Variants in WDR49 observed in about 807,000 individuals in gnomAD.
WDR49 encodes the protein cilia- and flagella-associated protein 337.
In WDR49, 107 loss-of-function variants were observed where a neutral mutation model predicts 119.5. That is an observed-to-expected ratio of 0.90 (90% CI 0.77 to 1.05). WDR49 has a LOEUF of 1.05. Among genes scored for constraint, WDR49 ranks in the 50% least tolerant of loss-of-function variants. The pLI is 0.00. For missense variants in WDR49, 1,240 were observed against 1,220.5 expected (o/e 1.02, Z -0.24); for synonymous variants, 425 against 418.8 (o/e 1.01, Z -0.18).
upstream of WDR49, among the ~76,000 whole-genome samples, chr3:167,654,437 A>C (rs1718526068): frequency 6.6e-6 from 1 of 152,226 alleles, no homozygotes; most frequent in Non-Finnish European, 1.5e-5. Flanking sequence ...CAGTGTCATT[A>C]CTGGTTCAGC....
At chr3:167,531,335 C>G (rs947792678) in intron 12 of WDR49, 56 bp from the exon 13 acceptor site, 31 of 1,584,912 alleles carry the variant, frequency 2.0e-5, no homozygotes, top group Admixed American at 7.0e-5. Context: ...GCTTTTCAAA[C>G]TAATGCCTAT....
chr3:167,571,899 G>A (rs1018497577), intron 8 of WDR49, among the ~76,000 whole-genome samples: 36 of 152,240 alleles, frequency 2.4e-4, no homozygotes, highest in African/African-American at 8.4e-4. Flanking sequence ...GATTATAAAT[G>A]TGTCCAAGGT....
chr3:167,511,975 T>C (rs1560259318), intron 16 of WDR49, among the ~76,000 whole-genome samples: 3 of 152,144 alleles, frequency 2.0e-5, no homozygotes, highest in African/African-American at 7.2e-5. Flanking sequence ...ATGGAGCCCC[T>C]GGGGGAAACA....
chr3:167,483,026 G>T (rs1279310518), intron 18 of WDR49, among the ~76,000 whole-genome samples: 1 of 152,128 alleles, frequency 6.6e-6, no homozygotes, highest in African/African-American at 2.4e-5. Context: ...GGTAGAAGGG[G>T]GGTAGGAGAA....
chr3:167,509,688 C>T (rs1454529974), intron 16 of WDR49, among the ~76,000 whole-genome samples: 1 of 152,086 alleles, frequency 6.6e-6, no homozygotes, highest in Non-Finnish European at 1.5e-5. Flanking sequence ...AGCAATTCCT[C>T]TCAAAGAATG....
At chr3:167,529,353 G>A (rs1227005253) in intron 13 of WDR49, 114 bp from the exon 14 acceptor site, 1 of 881,236 alleles carries the variant, frequency 1.1e-6, no homozygotes, top group East Asian at 2.7e-5. Flanking sequence ...GAGTAGCCCT[G>A]AGATCAATTC....
At chr3:167,526,615 T>A (rs1307045351) in intron 15 of WDR49, among the ~76,000 whole-genome samples, 1 of 152,148 alleles carries the variant, frequency 6.6e-6, no homozygotes, top group Non-Finnish European at 1.5e-5. Context: ...AGTGCTTGTC[T>A]TATTTACAAA....
upstream of WDR49, among the ~76,000 whole-genome samples, chr3:167,655,221 A>G (rs1718561518): frequency 6.6e-6 from 1 of 152,154 alleles, no homozygotes; most frequent in Non-Finnish European, 1.5e-5. Flanking sequence ...AGACTTATTC[A>G]CTACCAGGAG....
chr3:167,559,011 C>A (rs1713107801), intron 9 of WDR49, among the ~76,000 whole-genome samples: 1 of 152,264 alleles, frequency 6.6e-6, no homozygotes, highest in African/African-American at 2.4e-5. Flanking sequence ...AACTAGATTA[C>A]TTTACTTAAA....
At chr3:167,569,677 C>T (rs1317475109) in intron 8 of WDR49, among the ~76,000 whole-genome samples, 2 of 120,466 alleles carry the variant, frequency 1.7e-5, no homozygotes, top group African/African-American at 3.6e-5. Flanking sequence ...AGCCTGGACA[C>T]AGCAAAAAAA....
intron 8 of WDR49, among the ~76,000 whole-genome samples, chr3:167,564,620 A>G (rs1713477951): frequency 6.6e-6 from 1 of 152,204 alleles, no homozygotes; most frequent in Non-Finnish European, 1.5e-5. Flanking sequence ...GGGCCCTGAC[A>G]GTCTGCAGAG....
intron 9 of WDR49, among the ~76,000 whole-genome samples, chr3:167,559,522 A>T (rs541772802): frequency 6.6e-6 from 1 of 152,350 alleles, no homozygotes; most frequent in East Asian, 1.9e-4. Context: ...AGAAACTTAG[A>T]AATATAAAAT....
chr3:167,526,517 C>T (rs1752635078), intron 15 of WDR49, among the ~76,000 whole-genome samples: 1 of 152,180 alleles, frequency 6.6e-6, no homozygotes, highest in Non-Finnish European at 1.5e-5. Flanking sequence ...CCTGTCCAGA[C>T]TGCCAGCCAT....
chr3:167,508,473 G>T (rs1240275884), intron 16 of WDR49, among the ~76,000 whole-genome samples: 1 of 152,114 alleles, frequency 6.6e-6, no homozygotes, highest in Non-Finnish European at 1.5e-5. Flanking sequence ...ATTAAATGAG[G>T]TAAACACATA....
chr3:167,570,109 CAAAA>C (rs5854241), intron 8 of WDR49, among the ~76,000 whole-genome samples: 2 of 141,544 alleles, frequency 1.4e-5, no homozygotes, highest in Non-Finnish European at 3.1e-5. Context: ...TTAAGCTAGC[CAAAA>C]AAAAAAAAAT....
chr3:167,551,447 G>A (rs1163387947), intron 10 of WDR49, among the ~76,000 whole-genome samples: 1 of 152,034 alleles, frequency 6.6e-6, no homozygotes, highest in African/African-American at 2.4e-5. Context: ...CAATTAAAAT[G>A]ACAAAATATT....
At chr3:167,502,841 T>C (rs1751627902) in intron 17 of WDR49, among the ~76,000 whole-genome samples, 1 of 152,132 alleles carries the variant, frequency 6.6e-6, no homozygotes, top group Non-Finnish European at 1.5e-5. Context: ...AGAGTATAAA[T>C]GTTTAGGAAA....
chr3:167,604,409 C>A lies in WDR49; in HGVS notation c.1018G>T (p.Val340Leu), dbSNP rs531142234. 3.1e-6 allele frequency: 5 copies of A among 1,613,606 alleles called. No homozygotes were observed. In the South Asian group the frequency reaches 5.5e-5, roughly 18 times the overall value. Residue 340 changes from valine (V) to leucine (L), a missense_variant, in exon 6 of 19, where the codon GTG (valine) becomes TTG (leucine). Val to Leu is a conservative substitution (Grantham distance 32, BLOSUM62 1). Coordinates refer to ENST00000682715, the MANE Select transcript of WDR49 (RefSeq NM_001366157.1). The part of the protein sequence containing the change: ...ISSTTSNTNS[V>L]VMAWREKSKK... ...GATTTCTCTCTCCAAGCCATCACCA[C>A]ACTATTTGTATTGCTGGTTGTACTG...
intron 9 of WDR49, 89 bp from the exon 10 acceptor site, chr3:167,554,887 C>A: frequency 1.0e-6 from 1 of 955,532 alleles, no homozygotes; most frequent in South Asian, 1.9e-5. Flanking sequence ...GATATGTAAT[C>A]ATTAAAGAAA....
Sources: allele counts gnomAD v4.1 joint callset (sites outside exome capture counted in the v4.1 genomes callset), GRCh38; gene constraint gnomAD v4.1.1; transcripts MANE v1.5; gene names NCBI Gene and HGNC (gene_info 2026-07-23, HGNC 2026-07-21).